RHOA: variants seen among roughly 807,000 people sequenced by gnomAD.
The protein encoded by RHOA is transforming protein RhoA.
In RHOA, 3 loss-of-function variants were observed where a neutral mutation model predicts 17.5. The observed-to-expected ratio is 0.17, with a 90% CI of 0.08 to 0.44. RHOA has a LOEUF of 0.44. Ranked by LOEUF, RHOA falls within the 20% of genes least tolerant of loss-of-function variation. The probability of loss-of-function intolerance (pLI) is 0.99; values close to 1 mark genes in which losing one functional copy is unlikely to be tolerated. For synonymous variants in RHOA, 98 were observed against 88.4 expected, an observed-to-expected ratio of 1.11 and a Z score of -0.61; for missense variants, 56 against 242.3, an observed-to-expected ratio of 0.23 and a Z score of 5.10.
chr3:49,368,572 A>T (rs2107839025), intron 2 of RHOA, 24 bp from the exon 3 acceptor site: 1 of 1,613,982 alleles, frequency 6.2e-7, no homozygotes, highest in Non-Finnish European at 8.5e-7. Context: ...AACAACCACA[A>T]GAGTGCAAGG....
chr3:49,369,039 T>G (rs1374167540), intron 2 of RHOA, among the ~76,000 whole-genome samples: 3 of 117,060 alleles, frequency 2.6e-5, no homozygotes, highest in East Asian at 5.0e-4. Context: ...TTTTTTTTTT[T>G]GTTGAGACGG....
chr3:49,411,061 C>A (rs979559367), intron 1 of RHOA, among the ~76,000 whole-genome samples: 1 of 152,208 alleles, frequency 6.6e-6, no homozygotes, highest in Non-Finnish European at 1.5e-5. Flanking sequence ...TTAGATCATT[C>A]CTAATCAATA....
intron 1 of RHOA, among the ~76,000 whole-genome samples, chr3:49,388,277 G>C (rs940726830): frequency 3.9e-5 from 6 of 152,092 alleles, no homozygotes; most frequent in Non-Finnish European, 7.4e-5. Context: ...CTGGGCTTAA[G>C]TGACCCACCC....
In RHOA at chr3:49,396,563, C is replaced by A. The variant is rs192382641; in HGVS notation, c.-3+15257G>T. ...CTCTACTAAAAATACAAAAATTAGC[C>A]GGACATGATGGCACACGTCTGTAAT... On this transcript the variant is annotated intron_variant, in intron 1 of 4. Transcript: ENST00000418115. Among the ~76,000 whole-genome samples, 9 of 152,146 alleles carry A rather than the reference C, an allele frequency of 5.9e-5. No individual in the cohort carries two copies. In the South Asian group the frequency reaches 1.9e-3, roughly 32 times the overall value.
At position 49,377,944 on chromosome 3, in the gene RHOA, T is replaced by C. The variant is rs566435371; in HGVS notation, c.-2-2353A>G. ...CAAGCAGAACACTTGAGGTCAGGAGTTCGAGACCAGCCTGACCAACCCAGC... is the reference window on the plus strand; with the variant it reads ...CAAGCAGAACACTTGAGGTCAGGAGCTCGAGACCAGCCTGACCAACCCAGC... On this transcript the variant is annotated intron_variant, in intron 1 of 4. Coordinates refer to ENST00000418115, the MANE Select transcript of RHOA (RefSeq NM_001664.4). Among the ~76,000 whole-genome samples the C allele has an allele frequency of 3.3e-5, 5 of 151,562 alleles. No homozygotes were observed. The South Asian group carries it at 1.0e-3, about 32-fold the overall frequency.
intron 1 of RHOA, among the ~76,000 whole-genome samples, chr3:49,382,178 G>A (rs1355431808): frequency 6.6e-6 from 1 of 151,804 alleles, no homozygotes; most frequent in African/African-American, 2.4e-5. Context: ...AATTAGCCAG[G>A]CGTCGTGAAG....
intron 3 of RHOA, 104 bp from the exon 4 acceptor site, chr3:49,362,730 A>T: frequency 1.1e-6 from 1 of 925,658 alleles, no homozygotes; most frequent in Non-Finnish European, 1.6e-6. Context: ...GTGGCTTCAG[A>T]AAAATGCTAG....
At chr3:49,368,953 C>A (rs943386040) in intron 2 of RHOA, among the ~76,000 whole-genome samples, 50 of 136,876 alleles carry the variant, frequency 3.7e-4, no homozygotes, top group Non-Finnish European at 1.3e-4. Context: ...ATGATCCGTC[C>A]GCCTCGGCCT....
intron 1 of RHOA, 147 bp from the exon 2 acceptor site, chr3:49,375,738 C>A: frequency 1.4e-6 from 1 of 724,304 alleles, no homozygotes. Context: ...CACCTGGCAC[C>A]AAAAGGTTAT....
At chr3:49,368,746 C>T (rs1163222696) in intron 2 of RHOA, among the ~76,000 whole-genome samples, 198 bp from the exon 3 acceptor site, 1 of 125,922 alleles carries the variant, frequency 7.9e-6, no homozygotes, top group African/African-American at 3.1e-5. Flanking sequence ...CTTGCTCTGT[C>T]GCCCAGGCTA....
At chr3:49,407,232 GTTTTTTTTT>G (rs61556875) in intron 1 of RHOA, among the ~76,000 whole-genome samples, 6 of 70,066 alleles carry the variant, frequency 8.6e-5, no homozygotes, top group Admixed American at 2.3e-4. Flanking sequence ...AATCCTTTCC[GTTTTTTTTT>G]TTTTTTTTTT....
intron 1 of RHOA, among the ~76,000 whole-genome samples, chr3:49,396,177 G>GC (rs1376078110): frequency 7.9e-5 from 12 of 152,226 alleles, no homozygotes; most frequent in Non-Finnish European, 4.4e-5. Context: ...GAGGTGTCCA[G>GC]CAACAGGAGA....
At chr3:49,373,805 A>AAG (rs1234536713) in intron 2 of RHOA, among the ~76,000 whole-genome samples, 3 of 151,952 alleles carry the variant, frequency 2.0e-5, no homozygotes, top group Admixed American at 1.3e-4. Flanking sequence ...CTCTTTATTT[A>AAG]AGAGAAAAAA....
intron 1 of RHOA, among the ~76,000 whole-genome samples, chr3:49,390,776 T>C (rs753760942): frequency 2.2e-4 from 34 of 152,100 alleles, no homozygotes; most frequent in Admixed American, 4.6e-4. Context: ...AAAGGCGTCA[T>C]GGATATTAAT....
intron 2 of RHOA, among the ~76,000 whole-genome samples, chr3:49,375,033 G>A (rs1363650333): frequency 6.6e-6 from 1 of 152,070 alleles, no homozygotes; most frequent in Non-Finnish European, 1.5e-5. Flanking sequence ...CACTTTGGGA[G>A]GCTGAGGTGG....
At chr3:49,364,118 G>A (rs2048015424) in intron 3 of RHOA, among the ~76,000 whole-genome samples, 2 of 152,080 alleles carry the variant, frequency 1.3e-5, no homozygotes. Flanking sequence ...GAGAGGCTGA[G>A]GCAGGTGGAT....
intron 1 of RHOA, among the ~76,000 whole-genome samples, chr3:49,387,451 A>G (rs1575664308): frequency 6.8e-6 from 1 of 146,664 alleles, no homozygotes; most frequent in African/African-American, 2.5e-5. Flanking sequence ...CTCGGGGGAA[A>G]AAAAAAAAAA....
At chr3:49,365,901 A>G (rs752577628) in intron 3 of RHOA, among the ~76,000 whole-genome samples, 1 of 152,008 alleles carries the variant, frequency 6.6e-6, no homozygotes, top group Non-Finnish European at 1.5e-5. Flanking sequence ...TAAAAAATAT[A>G]AAAATTAACC....
At chr3:49,365,935 G>A (rs1006407799) in intron 3 of RHOA, among the ~76,000 whole-genome samples, 1 of 152,126 alleles carries the variant, frequency 6.6e-6, no homozygotes, top group Non-Finnish European at 1.5e-5. Context: ...TGTGCCTGTA[G>A]TACCAACTAC....
Sources: gnomAD v4.1 joint callset for allele counts (sites outside exome capture counted in the v4.1 genomes callset) on GRCh38, gnomAD v4.1.1 for gene constraint, MANE v1.5 for transcripts, NCBI Gene and HGNC (gene_info 2026-07-23, HGNC 2026-07-21) for gene names.